Variants in PCDHGA2 observed in about 807,000 individuals in gnomAD.
PCDHGA2 encodes the protein protocadherin gamma subfamily A, 2.
In PCDHGA2, 40 loss-of-function variants were observed where a neutral mutation model predicts 59.2. The observed-to-expected ratio is 0.68, with a 90% CI of 0.52 to 0.88. The LOEUF is 0.88. Among genes scored for constraint, PCDHGA2 ranks in the 40% least tolerant of loss-of-function variants. The probability of loss-of-function intolerance (pLI) is 0.00; values close to 1 mark genes in which losing one functional copy is unlikely to be tolerated. For synonymous variants in PCDHGA2, 560 were observed against 526.0 expected (o/e 1.06, Z -0.89); for missense variants, 1,226 against 1,204.0 (o/e 1.02, Z -0.27).
rs73265825 is a variant in PCDHGA2, at chr5:141,355,769, A to C, written c.2424+14374A>C. The C allele has an allele frequency of 1.6e-3, 2,601 of 1,613,894 alleles. 36 individuals carry two copies. In the African/African-American group the frequency reaches 0.031, roughly 19 times the overall value. On this transcript the variant is annotated intron_variant, in intron 1 of 3. Transcript: ENST00000394576. ...GTGCAAAGTGGGGCCGATGGGATTA[A>C]GTACCCAGAGCTGGTGCTGGAACGC...
At chr5:141,470,942 C>T (rs1156728317) in intron 1 of PCDHGA2, among the ~76,000 whole-genome samples, 1 of 152,020 alleles carries the variant, frequency 6.6e-6, no homozygotes, top group Non-Finnish European at 1.5e-5. Context: ...GTCTCAAATT[C>T]CTGGCCTCAA....
chr5:141,401,888 TTC>T (rs1281227155), intron 1 of PCDHGA2, among the ~76,000 whole-genome samples: 3 of 152,232 alleles, frequency 2.0e-5, no homozygotes, highest in Non-Finnish European at 2.9e-5. Flanking sequence ...ATATTTTGTG[TTC>T]TTTTTCCCAA....
chr5:141,365,320 C>A (rs1763848662), intron 1 of PCDHGA2: 1 of 1,613,992 alleles, frequency 6.2e-7, no homozygotes, highest in Non-Finnish European at 8.5e-7. Flanking sequence ...TTGTTGCCAG[C>A]GCTAAGGTGG....
chr5:141,376,710 C>A lies in PCDHGA2; in HGVS notation c.2424+35315C>A, dbSNP rs967144900. 118 of 619,882 alleles carry A rather than the reference C, an allele frequency of 1.9e-4. No individual in the cohort carries two copies. The East Asian group carries it at 3.7e-3, about 19-fold the overall frequency. 38.4% of individuals were successfully genotyped at this position (619,882 alleles called of 1,614,324 possible). Reference sequence around the variant, plus strand: ...TTTTTTTTTTTTTGAGACGGAGTCTCGCTCTGTCGCCCAGGCCGGACTGCG... The same window carrying A: ...TTTTTTTTTTTTTGAGACGGAGTCTAGCTCTGTCGCCCAGGCCGGACTGCG... On this transcript the variant is annotated intron_variant, in intron 1 of 3. Transcript: ENST00000394576.
intron 2 of PCDHGA2, among the ~76,000 whole-genome samples, chr5:141,497,781 C>T (rs2099779421): frequency 1.3e-5 from 2 of 152,192 alleles, no homozygotes; most frequent in African/African-American, 4.8e-5. Flanking sequence ...CTCAACTGAT[C>T]CACCTGCTTC....
chr5:141,422,140 C>A, intron 1 of PCDHGA2: 1 of 1,586,776 alleles, frequency 6.3e-7, no homozygotes, highest in Non-Finnish European at 8.5e-7. Flanking sequence ...AGTTCAAGTA[C>A]GGGGGTCTCT....
chr5:141,374,798 A>C (rs1471175480), intron 1 of PCDHGA2: 3 of 1,613,784 alleles, frequency 1.9e-6, no homozygotes, highest in Non-Finnish European at 2.5e-6. Context: ...GAATGACAAC[A>C]CTCCAATGTT....
chr5:141,406,998 A>T (rs138992041), intron 1 of PCDHGA2, among the ~76,000 whole-genome samples: 1 of 152,234 alleles, frequency 6.6e-6, no homozygotes, highest in Non-Finnish European at 1.5e-5. Context: ...ATTTGAAAAT[A>T]AGCTTTGAAG....
intron 1 of PCDHGA2, chr5:141,413,935 A>T: frequency 6.2e-7 from 1 of 1,613,372 alleles, no homozygotes; most frequent in Non-Finnish European, 8.5e-7. Flanking sequence ...ATACCGAGTG[A>T]GTGTTCCTGA....
In PCDHGA2 at chr5:141,339,330, A is replaced by G. The variant is rs144548345; in HGVS notation, c.359A>G (p.Glu120Gly). ...GATAAATTGACTATTTATTCAGTAG[A>G]GGTGGAAATAACAGATATTAACGAT... ...LEDKLTIYSV[E>G]VEITDINDNA... Residue 120 changes from glutamate to glycine, a missense_variant, in exon 1 of 4, where the codon GAG becomes GGG. By Grantham distance (98) the Glu-to-Gly change is moderately conservative (BLOSUM62 -2). Transcript: ENST00000394576. The G allele has an allele frequency of 3.1e-4, 507 of 1,614,130 alleles. No homozygotes were observed. Among genetic ancestry groups the G allele is most frequent in the Non-Finnish European group, 4.1e-4 (480 of 1,180,048 alleles).
At chr5:141,354,009 C>T (rs1041601052) in intron 1 of PCDHGA2, among the ~76,000 whole-genome samples, 2 of 152,168 alleles carry the variant, frequency 1.3e-5, no homozygotes, top group African/African-American at 4.8e-5. Flanking sequence ...TAGTAAATTA[C>T]TGTAAGTATT....
intron 1 of PCDHGA2, chr5:141,365,395 G>C (rs753717509): frequency 3.7e-6 from 6 of 1,613,978 alleles, no homozygotes; most frequent in Non-Finnish European, 5.1e-6. Flanking sequence ...TGACCAGTTC[G>C]ATCTCTGAAG....
intron 1 of PCDHGA2, among the ~76,000 whole-genome samples, chr5:141,437,723 G>A (rs2097904411): frequency 6.6e-6 from 1 of 150,736 alleles, no homozygotes; most frequent in South Asian, 2.1e-4. Context: ...ACCCTCTAAT[G>A]TTACACTTTG....
rs967535805 is a variant in PCDHGA2 at position 141,490,206 on chromosome 5, C to T, written c.2425-4601C>T. 2.4e-5 allele frequency: 38 copies of T among 1,614,050 alleles called. No homozygotes were observed. In the Admixed American group the frequency reaches 5.0e-4, roughly 21 times the overall value. ...GTTTCTATGAAATTCATGCAAGAGCCCGTGACCAGGGACAGCCTGCCATGG... is the reference window on the plus strand; with the variant it reads ...GTTTCTATGAAATTCATGCAAGAGCTCGTGACCAGGGACAGCCTGCCATGG... On this transcript the variant is annotated intron_variant, in intron 1 of 3. Coordinates refer to ENST00000394576, the MANE Select transcript of PCDHGA2 (RefSeq NM_018915.4). This position sits in a 1 kb window ranked among gnomAD's most constrained non-coding sequence, Gnocchi z 5.4.
intron 1 of PCDHGA2, chr5:141,373,932 C>A: frequency 2.9e-6 from 2 of 688,010 alleles, no homozygotes; most frequent in Non-Finnish European, 4.5e-6. Context: ...GACGGGAAAG[C>A]AGGAAAGCTG....
intron 1 of PCDHGA2, chr5:141,430,844 A>C: frequency 6.4e-7 from 1 of 1,571,464 alleles, no homozygotes; most frequent in Non-Finnish European, 8.6e-7. Flanking sequence ...GACCGGATGC[A>C]CCCAGATACG....
chr5:141,357,156 C>T (rs1352604728), intron 1 of PCDHGA2: 5 of 1,613,668 alleles, frequency 3.1e-6, no homozygotes, highest in East Asian at 2.2e-5. Flanking sequence ...ATGGCCAGCC[C>T]CCTCTCTCGG....
intron 1 of PCDHGA2, chr5:141,393,581 C>T (rs1356594219): frequency 5.0e-6 from 8 of 1,613,790 alleles, no homozygotes; most frequent in Non-Finnish European, 6.8e-6. Flanking sequence ...AGAACATGCC[C>T]CCAGGCACGC....
Position 141,490,350 on chromosome 5 carries a change from G to T in PCDHGA2, c.2425-4457G>T. On this transcript the variant is annotated intron_variant, in intron 1 of 3. Transcript: ENST00000394576. This position sits in a 1 kb window ranked among gnomAD's most constrained non-coding sequence, Gnocchi z 5.4. Reference sequence around the variant, plus strand: ...GCACACCAGTGGGCACAGTAGTGGGGTTGTTTAATGTGCGAGACCGGGACT... The same window carrying T: ...GCACACCAGTGGGCACAGTAGTGGGTTTGTTTAATGTGCGAGACCGGGACT... 2 of 1,614,204 alleles carry T rather than the reference G, an allele frequency of 1.2e-6. No homozygotes were observed. The highest frequency in any genetic ancestry group is 1.7e-6 in the Non-Finnish European group (2 of 1,180,034).
Sources: gnomAD v4.1 joint callset for allele counts (sites outside exome capture counted in the v4.1 genomes callset) on GRCh38, gnomAD v4.1.1 for gene constraint, Gnocchi (gnomAD v3.1) non-coding constraint, MANE v1.5 for transcripts, NCBI Gene and HGNC (gene_info 2026-07-23, HGNC 2026-07-21) for gene names.